The following CHD3 variants were observed in gnomAD, a reference collection of about 807,000 sequenced individuals.
CHD3 encodes chromodomain helicase DNA binding protein 3.
CHD3 carries 52 observed loss-of-function variants against 248.9 expected under a neutral mutation model. The ratio of observed to expected loss-of-function variants is 0.21; its 90% confidence interval spans 0.17 to 0.26. CHD3 has a LOEUF of 0.26. Ranked by LOEUF, CHD3 falls within the 10% of genes least tolerant of loss-of-function variation. CHD3 has a pLI of 1.00. For missense variants in CHD3, 1,482 were observed against 2,605.8 expected (o/e 0.57, Z 9.39); for synonymous variants, 985 against 985.2 (o/e 1.00, Z 0.00).
chr17:7,910,727 CCCTG>C lies in CHD3; in HGVS notation c.5755-115_5755-112del. ...ACAGTCATCACCCTTGAGTGAGTCT[CCCTG>C]CCTGTGTATCCTACCCTTAGCAGTT... is the stretch of plus-strand genomic sequence containing the variant. On this transcript the variant is annotated intron_variant, in intron 38 of 39. Transcript: ENST00000330494. This position sits in a 1 kb window ranked among gnomAD's most constrained non-coding sequence, Gnocchi z 4.7. 1.4e-5 allele frequency: 21 copies of C among 1,503,714 alleles called. No individual in the cohort carries two copies. Among genetic ancestry groups the C allele is most frequent in the Non-Finnish European group, 1.9e-5 (21 of 1,116,138 alleles). 93.1% of individuals were successfully genotyped at this position (1,503,714 alleles called of 1,614,324 possible).
Position 7,897,006 on chromosome 17 carries a change from C to A in CHD3, c.1708-77C>A. Reference sequence around the variant, plus strand: ...CCCTTTCCCTGTCCCATTCCTCCTGCCGGCCTCTTCCCGGTTCCTTGTTGT... The same window carrying A: ...CCCTTTCCCTGTCCCATTCCTCCTGACGGCCTCTTCCCGGTTCCTTGTTGT... On this transcript the variant is annotated intron_variant, in intron 10 of 39. Coordinates refer to ENST00000330494, the MANE Select transcript of CHD3 (RefSeq NM_001005273.3). This position sits in a 1 kb window ranked among gnomAD's most constrained non-coding sequence, Gnocchi z 4.8. 8.2e-7 allele frequency: 1 copy of A among 1,219,028 alleles called. No homozygotes were observed. The highest frequency in any genetic ancestry group is 1.3e-5 in the South Asian group (1 of 79,560). 75.5% of individuals were successfully genotyped at this position (1,219,028 alleles called of 1,614,324 possible). A position where few individuals can be genotyped will look rare whatever the true frequency, so the allele number is the denominator to read the frequency against.
rs1166778619 is a variant in CHD3 at position 7,908,587 on chromosome 17, G to A, written c.5261+77G>A. On this transcript the variant is annotated intron_variant, in intron 35 of 39. Transcript: ENST00000330494. The surrounding 1 kb of genome is among the most constrained non-coding windows in gnomAD (Gnocchi z 5.8). ...AAAAAAAAAGATGATTTCACACCCA[G>A]GGACAGGGCTAGTGCCACACTTTGG... 6.3e-7 allele frequency: 1 copy of A among 1,587,614 alleles called. No individual in the cohort carries two copies. Among genetic ancestry groups the A allele is most frequent in the Non-Finnish European group, 8.6e-7 (1 of 1,157,916 alleles).
In CHD3 at chr17:7,903,455, G is replaced by A. The variant is rs765800908; in HGVS notation, c.3679G>A (p.Asp1227Asn). Residue 1227 changes from aspartate (D) to asparagine (N), a missense_variant, in exon 23 of 40, where the codon GAC (aspartate) becomes AAC (asparagine). By Grantham distance (23) the Asp-to-Asn change is conservative. Transcript: ENST00000330494. The surrounding 1 kb of genome is among the most constrained non-coding windows in gnomAD (Gnocchi z 6.8). Reference protein sequence around the residue: ...AGSMSKQELDDILKFGTEELF... With the variant: ...AGSMSKQELDNILKFGTEELF... Reference sequence around the variant, plus strand: ...CTCCATGTCCAAGCAGGAGCTTGACGACATTCTCAAATTTGGCACTGAAGA... The same window carrying A: ...CTCCATGTCCAAGCAGGAGCTTGACAACATTCTCAAATTTGGCACTGAAGA... 4 of 1,614,140 alleles carry A rather than the reference G, an allele frequency of 2.5e-6. No homozygotes were observed. The highest frequency in any genetic ancestry group is 2.5e-6 in the Non-Finnish European group (3 of 1,180,020).
rs377180914 is a variant in CHD3 at position 7,893,905 on chromosome 17, T to C, written c.894T>C (p.Leu298=). Residue 298 remains leucine, a synonymous_variant, in exon 6 of 40, where the codon CTT becomes CTC. Coordinates refer to ENST00000330494, the MANE Select transcript of CHD3 (RefSeq NM_001005273.3). Reference sequence around the variant, plus strand: ...CACCACTCAAAATAAAACTAGGGCTTCTGGGTGGCAAGAGGAAGAAAGGAG... The same window carrying C: ...CACCACTCAAAATAAAACTAGGGCTCCTGGGTGGCAAGAGGAAGAAAGGAG... ...KMAPLKIKLG[L]LGGKRKKGGS... 46 of 1,613,382 alleles carry C rather than the reference T, an allele frequency of 2.9e-5. No individual in the cohort carries two copies. The highest frequency in any genetic ancestry group is 3.6e-5 in the Non-Finnish European group (43 of 1,179,902).
rs1281078302 is a variant in CHD3 at position 7,907,425 on chromosome 17, G to A, written c.4861G>A (p.Val1621Met). The A allele has an allele frequency of 3.1e-6, 5 of 1,611,396 alleles. No homozygotes were observed. In the Admixed American group the frequency reaches 5.0e-5, roughly 16 times the overall value. The change falls in exon 32 of 40, where the codon GTG becomes ATG. Residue 1621 changes from valine (V) to methionine (M), a missense_variant. Physicochemically the swap from Val to Met is conservative, Grantham distance 21 (BLOSUM62 1). Around this residue, in one of 20 missense-constraint regions of CHD3, gnomAD observed 254 missense variants for 266.7 expected, o/e 0.95. Transcript: ENST00000330494. The surrounding 1 kb of genome is among the most constrained non-coding windows in gnomAD (Gnocchi z 4.3). ...AAGGAAGATTCCTCTAGAGGATGAG[G>A]TGCCAGGGGTGCCTGGAGAGATGGA... ...EPRKIPLEDE[V>M]PGVPGEMEPE...
chr17:7,891,093 A>T, intron 4 of CHD3, 29 bp downstream of exon 4: 1 of 1,610,386 alleles, frequency 6.2e-7, no homozygotes, highest in East Asian at 2.2e-5. Context: ...ATCCTCGCTA[A>T]TTGACACTTT....
At chr17:7,887,232 G>C (rs931136370), upstream of CHD3, among the ~76,000 whole-genome samples, 1 of 152,136 alleles carries the variant, frequency 6.6e-6, no homozygotes, top group Non-Finnish European at 1.5e-5. Context: ...GATTTCCATT[G>C]TTTTCCATTC....
At position 7,895,297 on chromosome 17, in the gene CHD3, T is replaced by G. The variant is rs772422254; in HGVS notation, c.1504-42T>G. 1.2e-5 allele frequency: 19 copies of G among 1,607,402 alleles called. No individual in the cohort carries two copies. Among genetic ancestry groups the G allele is most frequent in the Non-Finnish European group, 1.6e-5 (19 of 1,175,088 alleles). On this transcript the variant is annotated intron_variant, in intron 9 of 39. Transcript: ENST00000330494. The surrounding 1 kb of genome is among the most constrained non-coding windows in gnomAD (Gnocchi z 4.9). ...TTCTCATCTAACAATGGGTTCTTTC[T>G]GCCTCTTTCTTTCCTCCTCCTTGTA...
At position 7,907,163 on chromosome 17, in the gene CHD3, G is replaced by A. The variant is rs748755876; in HGVS notation, c.4704G>A (p.Arg1568=). 1.2e-6 allele frequency: 2 copies of A among 1,614,232 alleles called. No homozygotes were observed. The highest frequency in any genetic ancestry group is 4.5e-5 in the East Asian group (2 of 44,892). ...CAAGTGAGAAAGGAGAAGGCATAAG[G>A]ACACCTCTTGAGAAGGAGGAAGCTG... The part of the protein sequence containing the change: ...PAPSEKGEGI[R]TPLEKEEAEN... Residue 1568 remains arginine, a synonymous_variant, in exon 31 of 40, where the codon AGG becomes AGA. Coordinates refer to ENST00000330494, the MANE Select transcript of CHD3 (RefSeq NM_001005273.3). The surrounding 1 kb of genome is among the most constrained non-coding windows in gnomAD (Gnocchi z 4.3).
Position 7,894,977 on chromosome 17 carries a change from G to C in CHD3, c.1330G>C (p.Glu444Gln). 6.2e-7 allele frequency: 1 copy of C among 1,613,868 alleles called. No individual in the cohort carries two copies. Among genetic ancestry groups the C allele is most frequent in the Middle Eastern group, 1.6e-4 (1 of 6,062 alleles). ...EEEEEYEEEG[E>Q]EEGEKEEEDD... ...AGAAGAAGAATACGAAGAGGAGGGAGAGGAAGAAGGGGAGAAGGAGGAGGA... is the reference window on the plus strand; with the variant it reads ...AGAAGAAGAATACGAAGAGGAGGGACAGGAAGAAGGGGAGAAGGAGGAGGA... The change falls in exon 9 of 40, where the codon GAG (glutamate) becomes CAG (glutamine). Residue 444 changes from glutamate to glutamine, a missense_variant. Physicochemically the swap from Glu to Gln is conservative, Grantham distance 29. Transcript: ENST00000330494.
chr17:7,890,683 A>T lies in CHD3; in HGVS notation c.326A>T (p.Glu109Val). 6.2e-7 allele frequency: 1 copy of T among 1,603,662 alleles called. No individual in the cohort carries two copies. Among genetic ancestry groups the T allele is most frequent in the Non-Finnish European group, 8.5e-7 (1 of 1,176,090 alleles). Residue 109 changes from glutamate to valine, a missense_variant, in exon 3 of 40, where the codon GAA becomes GTA. Glu to Val is a moderately radical substitution (Grantham distance 121). This residue lies in a region of CHD3 where 169 missense variants were observed against 168.1 expected (regional missense o/e 1.01). Coordinates refer to ENST00000330494, the MANE Select transcript of CHD3 (RefSeq NM_001005273.3). The stretch of plus-strand genomic sequence containing the variant: ...CGGAAACGAAGAAGGAAGCACCGAG[A>T]AAAAAAGGAGAAGAAGACAAAGCGG... ...PGRKRRRKHR[E>V]KKEKKTKRRK...
In CHD3 at chr17:7,901,394, TG is replaced by T. The variant is rs1567857899; in HGVS notation, c.3252+20del. 6.4e-7 allele frequency: 1 copy of T among 1,571,618 alleles called. No individual in the cohort carries two copies. The highest frequency in any genetic ancestry group is 1.4e-5 in the African/African-American group (1 of 73,746). The stretch of plus-strand genomic sequence containing the variant: ...CTCGCAGGTGACCTGTGCCCTTAGC[TG>T]TCTTTACATCTGCTTCCTCTTCCCT... On this transcript the variant is annotated intron_variant, in intron 20 of 39. Coordinates refer to ENST00000330494, the MANE Select transcript of CHD3 (RefSeq NM_001005273.3).
intron 4 of CHD3, among the ~76,000 whole-genome samples, 181 bp from the exon 5 acceptor site, chr17:7,893,105 C>A (rs1969119836): frequency 1.3e-5 from 2 of 151,960 alleles, no homozygotes; most frequent in South Asian, 4.2e-4. Flanking sequence ...TAAACCTGTT[C>A]TTTCCCCGCT....
chr17:7,890,152 C>T (rs915995958), intron 2 of CHD3, among the ~76,000 whole-genome samples: 3 of 152,114 alleles, frequency 2.0e-5, no homozygotes, highest in African/African-American at 7.2e-5. Context: ...AGATAAAGGC[C>T]GGTTGCAGTG....
chr17:7,888,715 T>TGTGTGG (rs769353225), upstream of CHD3: 478 of 742,670 alleles, frequency 6.4e-4, 1 homozygote, highest in Non-Finnish European at 8.3e-4. Flanking sequence ...CCTGAGAGTG[T>TGTGTGG]GTGTGGGTGT....
rs778503930 is a variant in CHD3 at position 7,895,105 on chromosome 17, C to T, written c.1458C>T (p.Pro486=). The change falls in exon 9 of 40, where the codon CCC becomes CCT. Residue 486 remains proline (P), a synonymous_variant. Coordinates refer to ENST00000330494, the MANE Select transcript of CHD3 (RefSeq NM_001005273.3). The surrounding 1 kb of genome is among the most constrained non-coding windows in gnomAD (Gnocchi z 4.9). Reference sequence around the variant, plus strand: ...ACCACATTCATTGTCTAAACCCTCCCCTGCCTGACATTCCCAATGGTGAAT... The same window carrying T: ...ACCACATTCATTGTCTAAACCCTCCTCTGCCTGACATTCCCAATGGTGAAT... ...SSYHIHCLNP[P]LPDIPNGEWL... The T allele has an allele frequency of 1.2e-6, 2 of 1,614,102 alleles. No homozygotes were observed. Among genetic ancestry groups the T allele is most frequent in the Non-Finnish European group, 8.5e-7 (1 of 1,179,990 alleles).
In CHD3 at chr17:7,908,266, C is replaced by A; in HGVS notation, c.5153-136C>A. The A allele has an allele frequency of 1.2e-6, 1 of 855,526 alleles. No individual in the cohort carries two copies. Among genetic ancestry groups the A allele is most frequent in the Non-Finnish European group, 1.8e-6 (1 of 552,570 alleles). 53.0% of individuals were successfully genotyped at this position (855,526 alleles called of 1,614,324 possible). ...TGGTTAGAACTGAGTTTGTTCCAAA[C>A]CTAACCTTTACCCATTCCTCTTCAG... On this transcript the variant is annotated intron_variant, in intron 34 of 39. Coordinates refer to ENST00000330494, the MANE Select transcript of CHD3 (RefSeq NM_001005273.3). This position sits in a 1 kb window ranked among gnomAD's most constrained non-coding sequence, Gnocchi z 5.8.
chr17:7,892,824 A>AT (rs1449845675), intron 4 of CHD3, among the ~76,000 whole-genome samples: 2 of 152,094 alleles, frequency 1.3e-5, no homozygotes, highest in East Asian at 3.9e-4. Flanking sequence ...ACAGGGTCTC[A>AT]TTCTGTCACC....
At position 7,897,967 on chromosome 17, in the gene CHD3, A is replaced by G; in HGVS notation, c.1920-4A>G. 6.2e-7 allele frequency: 1 copy of G among 1,613,452 alleles called. No homozygotes were observed. Among genetic ancestry groups the G allele is most frequent in the Non-Finnish European group, 8.5e-7 (1 of 1,179,662 alleles). On this transcript the variant is annotated splice_polypyrimidine_tract_variant and splice_region_variant and intron_variant, in intron 11 of 39. Coordinates refer to ENST00000330494, the MANE Select transcript of CHD3 (RefSeq NM_001005273.3). This position sits in a 1 kb window ranked among gnomAD's most constrained non-coding sequence, Gnocchi z 4.8. The stretch of plus-strand genomic sequence containing the variant: ...GCTCCTCCCCATGGCCTCCTGCCCC[A>G]CAGTGTGGATAAAAAGGGGAATTAC...
Sources: allele counts gnomAD v4.1 joint callset (sites outside exome capture counted in the v4.1 genomes callset), GRCh38; gene constraint gnomAD v4.1.1; regional missense constraint gnomAD v4.1.1; non-coding constraint Gnocchi (gnomAD v3.1); transcripts MANE v1.5; gene names NCBI Gene and HGNC (gene_info 2026-07-23, HGNC 2026-07-21).